CHST15: variants seen among roughly 807,000 people sequenced by gnomAD.
CHST15 encodes the protein B cell RAG associated protein (GALNAC4S-6ST).
In CHST15, 30 loss-of-function variants were observed where a neutral mutation model predicts 53.6. The ratio of observed to expected loss-of-function variants is 0.56; its 90% CI spans 0.42 to 0.76. The LOEUF is 0.76. Among genes scored for constraint, CHST15 ranks in the 30% least tolerant of loss-of-function variants. The pLI, the probability that CHST15 is intolerant of heterozygous loss-of-function variation, is 0.00. For missense variants in CHST15, 627 were observed against 740.5 expected (o/e 0.85, Z 1.78); for synonymous variants, 296 against 289.8 (o/e 1.02, Z -0.22).
intron 5 of CHST15, among the ~76,000 whole-genome samples, chr10:124,030,074 G>A (rs759465567): frequency 6.6e-6 from 1 of 152,192 alleles, no homozygotes; most frequent in African/African-American, 2.4e-5. Flanking sequence ...AACATAAACA[G>A]TGTTCAGCAC....
Position 124,008,987 on chromosome 10 carries a change from C to A in CHST15, c.*1162G>T. The A allele has an allele frequency of 7.8e-7, 1 of 1,289,160 alleles. No individual in the cohort carries two copies. Among genetic ancestry groups the A allele is most frequent in the Non-Finnish European group, 1.0e-6 (1 of 988,690 alleles). The allele number at this position is 1,289,160 out of a possible 1,614,324, so 79.9% of individuals were successfully genotyped here. A position where few individuals can be genotyped will look rare whatever the true frequency, so the allele number is the denominator to read the frequency against. The stretch of plus-strand genomic sequence containing the variant: ...CCTCATTCCAAATCTCAACACGCCA[C>A]GTTCAGCCCAAGTTCAGCTTGTGCA... On this transcript the variant is annotated 3_prime_UTR_variant, in exon 8 of 8. Transcript: ENST00000435907.
chr10:124,034,746 CA>C (rs1947375180), intron 5 of CHST15, among the ~76,000 whole-genome samples: 1 of 132,724 alleles, frequency 7.5e-6, no homozygotes. Flanking sequence ...ACCCCGGCTC[CA>C]CCCCCTAACA....
chr10:124,062,266 C>T (rs554544413), intron 1 of CHST15, among the ~76,000 whole-genome samples: 2 of 152,288 alleles, frequency 1.3e-5, no homozygotes, highest in South Asian at 2.1e-4. Context: ...GCCCAAAGAG[C>T]GTTTGACAGA....
At chr10:124,051,110 T>C (rs1222841126) in intron 1 of CHST15, among the ~76,000 whole-genome samples, 1 of 151,912 alleles carries the variant, frequency 6.6e-6, no homozygotes, top group African/African-American at 2.4e-5. Context: ...GCCCGGCTAA[T>C]TTTTGCATTT....
chr10:124,074,429 T>G lies in CHST15; in HGVS notation c.-513+19040A>C, dbSNP rs765596737. On this transcript the variant is annotated intron_variant, in intron 1 of 7. Transcript: ENST00000435907. The surrounding 1 kb of genome is among the most constrained non-coding windows in gnomAD (Gnocchi z 4.4). ...TGGCAGGTAGGGGCGGGGGCCTAGT[T>G]GGGAGCATCGCCCAGTTGTGATCAT... is the stretch of plus-strand genomic sequence containing the variant. Among the ~76,000 whole-genome samples the G allele has an allele frequency of 7.9e-5, 12 of 152,152 alleles. No homozygotes were observed. The highest frequency in any genetic ancestry group is 1.8e-4 in the Non-Finnish European group (12 of 68,026).
Position 124,058,796 on chromosome 10 carries a change from G to A in CHST15, c.-512-12072C>T, listed in dbSNP as rs180790996. Among the ~76,000 whole-genome samples the A allele has an allele frequency of 2.1e-3, 324 of 152,304 alleles. 1 individual carries two copies. Among genetic ancestry groups the A allele is most frequent in the African/African-American group, 7.2e-3 (301 of 41,562 alleles). On this transcript the variant is annotated intron_variant, in intron 1 of 7. Transcript: ENST00000435907. ...CTCCAGAAAGCATGGCAAATATCCA[G>A]CAAATATCCAGAACAGAGTTCTTAT...
At chr10:124,065,650 C>A (rs537224960) in intron 1 of CHST15, among the ~76,000 whole-genome samples, 4 of 152,180 alleles carry the variant, frequency 2.6e-5, no homozygotes, top group Non-Finnish European at 4.4e-5. Flanking sequence ...GGCCCCATTA[C>A]GGCAGCTCAT....
chr10:124,093,496 C>CCTCTGCGGCTCCGGCTCCGCGGGAGCGCG lies in CHST15; in HGVS notation c.-569_-541dup, dbSNP rs1949673645. ...GAGAAGCCTGAGTCCAGCCCGGGAG[C>CCTCTGCGGCTCCGGCTCCGCGGGAGCGCG]CTCTGCGGCTCCGGCTCCGCGGGAG... is the stretch of plus-strand genomic sequence containing the variant. On this transcript the variant is annotated 5_prime_UTR_variant, in exon 1 of 8. Transcript: ENST00000435907. 6.6e-6 allele frequency: 1 copy of CCTCTGCGGCTCCGGCTCCGCGGGAGCGCG among 152,278 alleles called. No homozygotes were observed. Among genetic ancestry groups the CCTCTGCGGCTCCGGCTCCGCGGGAGCGCG allele is most frequent in the African/African-American group, 2.4e-5 (1 of 41,466 alleles). The allele number at this position is 152,278 out of a possible 1,614,324, so 9.4% of individuals were successfully genotyped here. A position where few individuals can be genotyped will look rare whatever the true frequency, so the allele number is the denominator to read the frequency against.
At chr10:124,027,470 G>A (rs1947056043) in intron 5 of CHST15, among the ~76,000 whole-genome samples, 1 of 152,212 alleles carries the variant, frequency 6.6e-6, no homozygotes, top group African/African-American at 2.4e-5. Flanking sequence ...TTCATTCAGG[G>A]ACACTTACAG....
At chr10:124,018,649 T>C (rs1590186339) in intron 6 of CHST15, among the ~76,000 whole-genome samples, 1 of 152,338 alleles carries the variant, frequency 6.6e-6, no homozygotes, top group Non-Finnish European at 1.5e-5. Context: ...CTGCTTCTGC[T>C]GTTTTCTCAA....
intron 1 of CHST15, among the ~76,000 whole-genome samples, chr10:124,049,019 G>A (rs938859563): frequency 6.6e-6 from 1 of 152,182 alleles, no homozygotes; most frequent in East Asian, 1.9e-4. Context: ...TGCGAGTCCC[G>A]CTTCCTAAAC....
intron 7 of CHST15, 106 bp downstream of exon 7, chr10:124,012,227 C>T (rs1946435963): frequency 7.4e-7 from 1 of 1,350,208 alleles, no homozygotes; most frequent in Non-Finnish European, 1.0e-6. Context: ...CCCAGCTCAG[C>T]CCATTCCCAC....
At position 124,044,488 on chromosome 10, in the gene CHST15, C is replaced by T. The variant is rs992849500; in HGVS notation, c.886+92G>A. 4.6e-6 allele frequency: 5 copies of T among 1,079,026 alleles called. No individual in the cohort carries two copies. The African/African-American group carries it at 6.5e-5, about 14-fold the overall frequency. The allele number at this position is 1,079,026 out of a possible 1,614,324, so 66.8% of individuals were successfully genotyped here. A position where few individuals can be genotyped will look rare whatever the true frequency, so the allele number is the denominator to read the frequency against. ...GGAATTGTGCCATCTCTTTCTGCCG[C>T]CCTCGCCCCCCAACCCCAGCGCTAA... is the stretch of plus-strand genomic sequence containing the variant. On this transcript the variant is annotated intron_variant, in intron 3 of 7. Transcript: ENST00000435907.
chr10:124,020,398 C>T, intron 6 of CHST15: 1 of 985,492 alleles, frequency 1.0e-6, no homozygotes, highest in Non-Finnish European at 1.2e-6. Context: ...TGGCATCTTC[C>T]TTGCCAAACT....
chr10:124,056,872 G>A (rs1034272838), intron 1 of CHST15, among the ~76,000 whole-genome samples: 42 of 151,612 alleles, frequency 2.8e-4, no homozygotes, highest in African/African-American at 1.0e-3. Flanking sequence ...TGTACGACCG[G>A]ACACTCTGCG....
At chr10:124,085,890 CT>C (rs1564918730) in intron 1 of CHST15, among the ~76,000 whole-genome samples, 3 of 152,146 alleles carry the variant, frequency 2.0e-5, no homozygotes, top group African/African-American at 7.2e-5. Flanking sequence ...AATGTGGGGG[CT>C]CCCCCTCTCC....
intron 1 of CHST15, among the ~76,000 whole-genome samples, chr10:124,064,833 C>T (rs956419253): frequency 6.6e-6 from 1 of 152,170 alleles, no homozygotes; most frequent in Non-Finnish European, 1.5e-5. Flanking sequence ...TTCCCTGAAA[C>T]CCCAGACCAC....
intron 5 of CHST15, 152 bp from the exon 6 acceptor site, chr10:124,021,564 C>A: frequency 7.3e-7 from 1 of 1,368,934 alleles, no homozygotes; most frequent in Non-Finnish European, 9.7e-7. Context: ...TGAGCCACCT[C>A]CCTCATCCCT....
At chr10:124,066,473 G>A (rs910046831) in intron 1 of CHST15, among the ~76,000 whole-genome samples, 5 of 151,132 alleles carry the variant, frequency 3.3e-5, no homozygotes, top group East Asian at 3.9e-4. Flanking sequence ...AAAAAAAAAC[G>A]AGTTTACACG....
Sources: allele counts gnomAD v4.1 joint callset (sites outside exome capture counted in the v4.1 genomes callset), GRCh38; gene constraint gnomAD v4.1.1; non-coding constraint Gnocchi (gnomAD v3.1); transcripts MANE v1.5; gene names NCBI Gene and HGNC (gene_info 2026-07-23, HGNC 2026-07-21).